The following PLAC9 variants were observed in gnomAD, a reference collection of about 807,000 sequenced individuals.
PLAC9 encodes the protein placenta-specific protein 9.
In PLAC9, 12 loss-of-function variants were observed where a neutral mutation model predicts 11.5. The ratio of observed to expected loss-of-function variants is 1.05; its 90% CI spans 0.67 to 1.69. The LOEUF (loss-of-function observed/expected upper bound fraction) is 1.69, where lower values mean the gene tolerates loss of function less well. Among genes scored for constraint, PLAC9 ranks in the 40% most tolerant of loss-of-function variants. The pLI, the probability that PLAC9 is intolerant of heterozygous loss-of-function variation, is 0.00. For missense variants in PLAC9, 132 were observed against 130.5 expected (o/e 1.01, Z -0.06); for synonymous variants, 62 against 58.1 (o/e 1.07, Z -0.31).
intron 2 of PLAC9, among the ~76,000 whole-genome samples, chr10:80,143,178 A>G (rs1845060553): frequency 6.6e-6 from 1 of 151,804 alleles, no homozygotes; most frequent in Non-Finnish European, 1.5e-5. Context: ...AGCTGGGACT[A>G]CAGGCATGCA....
At chr10:80,133,927 G>C (rs1305369661) in intron 1 of PLAC9, among the ~76,000 whole-genome samples, 1 of 131,800 alleles carries the variant, frequency 7.6e-6, no homozygotes, top group Admixed American at 9.0e-5. Flanking sequence ...CTGGGTGACA[G>C]AGCAAGACTC....
upstream of PLAC9, among the ~76,000 whole-genome samples, chr10:80,132,208 C>T (rs879455405): frequency 2.0e-5 from 3 of 152,188 alleles, no homozygotes; most frequent in Non-Finnish European, 4.4e-5. Context: ...CTTACCAGAG[C>T]AGTGAGTTTC....
intron 2 of PLAC9, among the ~76,000 whole-genome samples, chr10:80,143,333 G>A (rs931879570): frequency 1.3e-5 from 2 of 151,550 alleles, no homozygotes; most frequent in African/African-American, 4.9e-5. Context: ...CAAAGTGCTG[G>A]GATTACAGGC....
At chr10:80,136,787 A>G (rs1844979238) in intron 1 of PLAC9, among the ~76,000 whole-genome samples, 1 of 151,996 alleles carries the variant, frequency 6.6e-6, no homozygotes, top group Non-Finnish European at 1.5e-5. Flanking sequence ...CTCTGGGATT[A>G]CAGGTGTGAA....
upstream of PLAC9, chr10:80,132,600 C>A: frequency 2.0e-6 from 1 of 506,306 alleles, no homozygotes; most frequent in Admixed American, 4.5e-5. Context: ...CCACGGGGTG[C>A]CGAGGGGCCT....
chr10:80,138,998 C>A (rs1292643054), intron 1 of PLAC9, among the ~76,000 whole-genome samples: 1 of 145,688 alleles, frequency 6.9e-6, no homozygotes, highest in Non-Finnish European at 1.5e-5. Context: ...GTCACCCAGG[C>A]TGGAGTGCAG....
chr10:80,143,018 C>T (rs1475247977), intron 2 of PLAC9, among the ~76,000 whole-genome samples: 1 of 151,252 alleles, frequency 6.6e-6, no homozygotes, highest in African/African-American at 2.4e-5. Flanking sequence ...CCACTGTGCC[C>T]GGCCAATACA....
intron 1 of PLAC9, among the ~76,000 whole-genome samples, chr10:80,134,633 A>G (rs1186910942): frequency 6.6e-6 from 1 of 152,186 alleles, no homozygotes; most frequent in African/African-American, 2.4e-5. Flanking sequence ...CTTAATAAAC[A>G]TAACTGCAAT....
chr10:80,144,347 A>G lies in PLAC9; in HGVS notation c.283+4A>G. Reference sequence around the variant, plus strand: ...CCCGCTCCCGACCTTCTCGGAGGTGAGCAGTGCAGGTGGCAGAGGACAGCC... The same window carrying G: ...CCCGCTCCCGACCTTCTCGGAGGTGGGCAGTGCAGGTGGCAGAGGACAGCC... On this transcript the variant is annotated splice_donor_region_variant and intron_variant, in intron 3 of 3. Transcript: ENST00000372263. 3 of 1,596,628 alleles carry G rather than the reference A, an allele frequency of 1.9e-6. No homozygotes were observed. The South Asian group carries it at 3.3e-5, about 18-fold the overall frequency.
intron 3 of PLAC9, 58 bp downstream of exon 3, chr10:80,144,401 A>G (rs71481553): frequency 0.037 from 55,780 of 1,513,856 alleles, 1,156 homozygotes; most frequent in Middle Eastern, 0.05. Flanking sequence ...GGCGCTGGGC[A>G]GGCGAGACAG....
intron 2 of PLAC9, among the ~76,000 whole-genome samples, chr10:80,143,174 G>T (rs1191357511): frequency 1.3e-5 from 2 of 151,766 alleles, no homozygotes; most frequent in African/African-American, 4.8e-5. Flanking sequence ...GAGTAGCTGG[G>T]ACTACAGGCA....
At chr10:80,140,705 G>A (rs1178609582) in intron 1 of PLAC9, among the ~76,000 whole-genome samples, 6 of 152,110 alleles carry the variant, frequency 3.9e-5, no homozygotes, top group Non-Finnish European at 7.4e-5. Flanking sequence ...GAGAACAATG[G>A]TGAATCAAGA....
rs528480260 is a variant in PLAC9, at chr10:80,141,747, C to T, written c.65-335C>T. Among the ~76,000 whole-genome samples, 11 of 152,294 alleles carry T rather than the reference C, an allele frequency of 7.2e-5. 2 individuals carry two copies. The South Asian group carries it at 1.7e-3, about 23-fold the overall frequency. ...CCGCCCACCCTGTATCTCCAGCCAC[C>T]GCGGGCTCCCTGCAGGTTTTGCACA... On this transcript the variant is annotated intron_variant, in intron 1 of 3. Transcript: ENST00000372263.
At chr10:80,132,509 CG>C, upstream of PLAC9, 2 of 425,320 alleles carry the variant, frequency 4.7e-6, no homozygotes, top group Non-Finnish European at 8.3e-6. Flanking sequence ...TGCGGGGACT[CG>C]GGGGGCGGCC....
intron 1 of PLAC9, among the ~76,000 whole-genome samples, chr10:80,140,826 GC>G (rs1231666560): frequency 6.6e-6 from 1 of 152,116 alleles, no homozygotes; most frequent in East Asian, 1.9e-4. Flanking sequence ...ACCATGCCTG[GC>G]TAAAATTGCA....
intron 1 of PLAC9, among the ~76,000 whole-genome samples, chr10:80,134,795 C>T (rs1418529861): frequency 6.6e-6 from 1 of 151,928 alleles, no homozygotes; most frequent in African/African-American, 2.4e-5. Context: ...GTCAATATGT[C>T]TGTTAGATCT....
In PLAC9 at chr10:80,144,255, A is replaced by G. The variant is rs769466209; in HGVS notation, c.195A>G (p.Thr65=). 5.0e-6 allele frequency: 8 copies of G among 1,613,974 alleles called. No individual in the cohort carries two copies. Among genetic ancestry groups the G allele is most frequent in the Non-Finnish European group, 6.8e-6 (8 of 1,179,988 alleles). The change falls in exon 3 of 4, where the codon ACA becomes ACG. Residue 65 remains threonine, a synonymous_variant. Transcript: ENST00000372263. Reference sequence around the variant, plus strand: ...AGAAGACCGTGGATCACCTGGGGACAGAGGTGAAAGGCCTGCTGGGCCTGC... The same window carrying G: ...AGAAGACCGTGGATCACCTGGGGACGGAGGTGAAAGGCCTGCTGGGCCTGC... ...MVEKTVDHLG[T]EVKGLLGLLE...
chr10:80,134,171 G>C (rs1371123513), intron 1 of PLAC9, among the ~76,000 whole-genome samples: 1 of 148,810 alleles, frequency 6.7e-6, no homozygotes, highest in African/African-American at 2.5e-5. Flanking sequence ...TTCATGGGCA[G>C]TTTTATCTCA....
chr10:80,144,245 A>C lies in PLAC9; in HGVS notation c.185A>C (p.His62Pro). ...MEEMVEKTVD[H>P]LGTEVKGLLG... ...TAGATGGTAGAGAAGACCGTGGATC[A>C]CCTGGGGACAGAGGTGAAAGGCCTG... The change falls in exon 3 of 4, where the codon CAC becomes CCC. Residue 62 changes from histidine to proline, a missense_variant. Physicochemically the swap from His to Pro is moderately conservative, Grantham distance 77. Coordinates refer to ENST00000372263, the MANE Select transcript of PLAC9 (RefSeq NM_001012973.3). 6.2e-7 allele frequency: 1 copy of C among 1,614,048 alleles called. No individual in the cohort carries two copies. The highest frequency in any genetic ancestry group is 8.5e-7 in the Non-Finnish European group (1 of 1,180,000).
Sources: gnomAD v4.1 joint callset for allele counts (sites outside exome capture counted in the v4.1 genomes callset) on GRCh38, gnomAD v4.1.1 for gene constraint, MANE v1.5 for transcripts, NCBI Gene and HGNC (gene_info 2026-07-23, HGNC 2026-07-21) for gene names.